Variants in AP1G1 observed in about 807,000 individuals in gnomAD.
AP1G1 encodes the protein adaptor related protein complex 1 subunit gamma 1, also known as AP-1 complex subunit gamma-1.
In AP1G1, 7 loss-of-function variants were observed where a neutral mutation model predicts 108.3. The ratio of observed to expected loss-of-function variants is 0.06; its 90% CI spans 0.04 to 0.12. The LOEUF is 0.12. AP1G1 is among the 10% of genes least tolerant of loss of function. The pLI is 1.00. For missense variants in AP1G1, 756 were observed against 1,010.7 expected (o/e 0.75, Z 3.42); for synonymous variants, 379 against 353.5 (o/e 1.07, Z -0.81).
At chr16:71,765,770 T>C (rs1597060057) in intron 6 of AP1G1, 186 bp from the exon 7 acceptor site, 4 of 524,508 alleles carry the variant, frequency 7.6e-6, no homozygotes, top group East Asian at 6.9e-5. Flanking sequence ...ATTCAAGAAG[T>C]AGTATGTATT....
Position 71,729,482 on chromosome 16 carries a change from A to AT in AP1G1, c.*3575dup, listed in dbSNP as rs1202032233. ...TCCAAGGCTCCATCTTGAAGCCAGA[A>AT]TCAGCCTCTTGGAAGTCTGTAAAGC... On this transcript the variant is annotated 3_prime_UTR_variant, in exon 23 of 23. Coordinates refer to ENST00000299980, the MANE Select transcript of AP1G1 (RefSeq NM_001128.6). 1 of 152,208 alleles carries AT rather than the reference A, an allele frequency of 6.6e-6. No individual in the cohort carries two copies. Among genetic ancestry groups the AT allele is most frequent in the African/African-American group, 2.4e-5 (1 of 41,334 alleles). 9.4% of individuals were successfully genotyped at this position (152,208 alleles called of 1,614,324 possible).
In AP1G1 at chr16:71,773,366, C is replaced by T; in HGVS notation, c.327-4G>A. Reference sequence around the variant, plus strand: ...TTGCGTGCTATGATTAAGATCACTGCAAAAGAAAAGAGGAAGGTAGGAACA... The same window carrying T: ...TTGCGTGCTATGATTAAGATCACTGTAAAAGAAAAGAGGAAGGTAGGAACA... On this transcript the variant is annotated splice_polypyrimidine_tract_variant and splice_region_variant and intron_variant, in intron 3 of 22. Transcript: ENST00000299980. 6.7e-7 allele frequency: 1 copy of T among 1,495,424 alleles called. No homozygotes were observed. The highest frequency in any genetic ancestry group is 1.8e-4 in the Middle Eastern group (1 of 5,560). The allele number at this position is 1,495,424 out of a possible 1,614,324, so 92.6% of individuals were successfully genotyped here.
intron 6 of AP1G1, 42 bp downstream of exon 6, chr16:71,769,581 T>C (rs1430286952): frequency 6.5e-7 from 1 of 1,545,894 alleles, no homozygotes. Flanking sequence ...GGAAAATCAT[T>C]TTTCAATCAA....
chr16:71,753,923 GTAAAA>G, intron 12 of AP1G1, 36 bp from the exon 13 acceptor site: 1 of 1,591,938 alleles, frequency 6.3e-7, no homozygotes, highest in Non-Finnish European at 8.6e-7. Context: ...CTTGGAACCA[GTAAAA>G]TATACCGTTT....
intron 1 of AP1G1, among the ~76,000 whole-genome samples, chr16:71,803,219 GAATA>G (rs757986299): frequency 2.0e-5 from 3 of 151,498 alleles, no homozygotes; most frequent in African/African-American, 4.9e-5. Context: ...GTCTCAAAAA[GAATA>G]AATAAATAAA....
In AP1G1 at chr16:71,779,973, A is replaced by C. The variant is rs537991830; in HGVS notation, c.202-5381T>G. Among the ~76,000 whole-genome samples the C allele has an allele frequency of 3.8e-4, 57 of 151,570 alleles. 1 individual carries two copies. The highest frequency in any genetic ancestry group is 1.2e-3 in the African/African-American group (50 of 41,268). ...ATCTCTACAAAATTTAAAAACAAAA[A>C]ATTTTGTTTCAGTTTTTTTTTGTTT... On this transcript the variant is annotated intron_variant, in intron 2 of 22. Coordinates refer to ENST00000299980, the MANE Select transcript of AP1G1 (RefSeq NM_001128.6).
At chr16:71,739,404 T>G in intron 19 of AP1G1, 63 bp from the exon 20 acceptor site, 1 of 1,304,462 alleles carries the variant, frequency 7.7e-7, no homozygotes, top group Non-Finnish European at 1.0e-6. Flanking sequence ...ACCAAGAAAT[T>G]ATAGGGAAAA....
intron 1 of AP1G1, among the ~76,000 whole-genome samples, chr16:71,795,493 A>C (rs910468963): frequency 6.6e-6 from 1 of 152,184 alleles, no homozygotes; most frequent in Non-Finnish European, 1.5e-5. Flanking sequence ...AGTTAACATC[A>C]GGCAAAACCC....
At position 71,806,031 on chromosome 16, in the gene AP1G1, TA is replaced by T. The variant is rs10605748; in HGVS notation, c.-4+2731del. ...ACCCTGTCTCAAACAATAAAAATAA[TA>T]AAAAAAAAAAAAAAGAGTTTTTATA... is the stretch of plus-strand genomic sequence containing the variant. On this transcript the variant is annotated intron_variant, in intron 1 of 22. Transcript: ENST00000299980. Among the ~76,000 whole-genome samples, 1,274 of 149,118 alleles carry T rather than the reference TA, an allele frequency of 8.5e-3. 9 individuals are homozygous for T. Among genetic ancestry groups the T allele is most frequent in the Middle Eastern group, 0.021 (6 of 292 alleles).
intron 6 of AP1G1, among the ~76,000 whole-genome samples, chr16:71,768,734 T>A (rs1597062945): frequency 6.9e-6 from 1 of 144,034 alleles, no homozygotes; most frequent in Admixed American, 7.0e-5. Flanking sequence ...GCTAACACAG[T>A]GAAACCCTGA....
intron 21 of AP1G1, 57 bp from the exon 22 acceptor site, chr16:71,734,764 G>A: frequency 7.0e-7 from 1 of 1,433,890 alleles, no homozygotes; most frequent in Non-Finnish European, 9.8e-7. Context: ...CTAGGTCAGA[G>A]ATACCAAAAA....
intron 2 of AP1G1, among the ~76,000 whole-genome samples, chr16:71,779,962 TA>T (rs1349652217): frequency 6.7e-6 from 1 of 150,128 alleles, no homozygotes; most frequent in Non-Finnish European, 1.5e-5. Flanking sequence ...CTACAAAATT[TA>T]AAAACAAAAA....
At chr16:71,749,621 T>G (rs2030378838) in intron 15 of AP1G1, among the ~76,000 whole-genome samples, 1 of 152,124 alleles carries the variant, frequency 6.6e-6, no homozygotes, top group Admixed American at 6.6e-5. Flanking sequence ...GTCTCACTCC[T>G]GAGTAGCTGG....
At chr16:71,794,324 T>C (rs978098589) in intron 1 of AP1G1, among the ~76,000 whole-genome samples, 1 of 152,216 alleles carries the variant, frequency 6.6e-6, no homozygotes, top group Non-Finnish European at 1.5e-5. Flanking sequence ...AAGTGTTCCA[T>C]ATTTTATATT....
At chr16:71,773,406 C>A in intron 3 of AP1G1, 44 bp from the exon 4 acceptor site, 1 of 1,454,480 alleles carries the variant, frequency 6.9e-7, no homozygotes, top group Non-Finnish European at 9.1e-7. Flanking sequence ...TGGTGCTCCC[C>A]AAGAAGCAGC....
In AP1G1 at chr16:71,804,057, T is replaced by A. The variant is rs146292477; in HGVS notation, c.-4+4706A>T. ...ATAAACATATTTTATTTATTTATTT[T>A]TTTTTTGGAGACAAGAGTCTCGCTC... On this transcript the variant is annotated intron_variant, in intron 1 of 22. Coordinates refer to ENST00000299980, the MANE Select transcript of AP1G1 (RefSeq NM_001128.6). Among the ~76,000 whole-genome samples, 16 of 152,156 alleles carry A rather than the reference T, an allele frequency of 1.1e-4. No homozygotes were observed. The East Asian group carries it at 1.2e-3, about 11-fold the overall frequency.
intron 4 of AP1G1, 111 bp from the exon 5 acceptor site, chr16:71,771,363 G>A: frequency 1.7e-6 from 1 of 603,336 alleles, no homozygotes; most frequent in African/African-American, 1.9e-5. Context: ...TCATCTACTA[G>A]AAAAATAAAG....
At chr16:71,802,198 T>C (rs2032825750) in intron 1 of AP1G1, among the ~76,000 whole-genome samples, 1 of 152,140 alleles carries the variant, frequency 6.6e-6, no homozygotes, top group Non-Finnish European at 1.5e-5. Context: ...AGTGAACCTA[T>C]TTAACTAAAC....
At chr16:71,748,562 TA>T (rs973898864) in intron 15 of AP1G1, among the ~76,000 whole-genome samples, 184 bp from the exon 16 acceptor site, 1 of 150,924 alleles carries the variant, frequency 6.6e-6, no homozygotes, top group Non-Finnish European at 1.5e-5. Flanking sequence ...TAGTTGGGGG[TA>T]AAAAAAAGTG....
Sources: gnomAD v4.1 joint callset for allele counts (sites outside exome capture counted in the v4.1 genomes callset) on GRCh38, gnomAD v4.1.1 for gene constraint, MANE v1.5 for transcripts, NCBI Gene and HGNC (gene_info 2026-07-23, HGNC 2026-07-21) for gene names.